Variants in TACR1 observed in about 807,000 individuals in gnomAD.
TACR1 encodes substance-P receptor.
In TACR1, 25 loss-of-function variants were observed where a neutral mutation model predicts 35.8. The ratio of observed to expected loss-of-function variants is 0.70; its 90% CI spans 0.51 to 0.98. The LOEUF is 0.98. Ranked by LOEUF, TACR1 falls within the 50% of genes least tolerant of loss-of-function variation. TACR1 has a pLI of 0.00. For missense variants in TACR1, 478 were observed against 522.9 expected, an observed-to-expected ratio of 0.91 and a Z score of 0.84; for synonymous variants, 195 against 206.7, an observed-to-expected ratio of 0.94 and a Z score of 0.48.
chr2:75,136,441 T>G (rs757451197), intron 1 of TACR1, among the ~76,000 whole-genome samples: 1 of 152,186 alleles, frequency 6.6e-6, no homozygotes, highest in African/African-American at 2.4e-5. Context: ...CTGACAGGTA[T>G]GCACTTTTGG....
In TACR1 at chr2:75,048,476, A is replaced by T. The variant is rs962090798; in HGVS notation, c.*956T>A. 4.6e-5 allele frequency: 7 copies of T among 152,218 alleles called. No homozygotes were observed. The highest frequency in any genetic ancestry group is 1.0e-4 in the Non-Finnish European group (7 of 68,040). 9.4% of individuals were successfully genotyped at this position (152,218 alleles called of 1,614,324 possible). A position where few individuals can be genotyped will look rare whatever the true frequency, so the allele number is the denominator to read the frequency against. On this transcript the variant is annotated 3_prime_UTR_variant, in exon 5 of 5. Coordinates refer to ENST00000305249, the MANE Select transcript of TACR1 (RefSeq NM_001058.4). ...TAAGATAAATCGGAGAATGTCTGAGATGGATAGTTACAGATGGCCTTAGCA... is the reference window on the plus strand; with the variant it reads ...TAAGATAAATCGGAGAATGTCTGAGTTGGATAGTTACAGATGGCCTTAGCA...
chr2:75,193,464 A>T (rs576200988), intron 1 of TACR1, among the ~76,000 whole-genome samples: 1 of 152,048 alleles, frequency 6.6e-6, no homozygotes, highest in Non-Finnish European at 1.5e-5. Flanking sequence ...ATTCCAACTA[A>T]TCGTTATATT....
intron 1 of TACR1, among the ~76,000 whole-genome samples, chr2:75,192,879 C>A (rs1675882775): frequency 6.6e-6 from 1 of 152,110 alleles, no homozygotes; most frequent in Non-Finnish European, 1.5e-5. Context: ...ATAAAACTTC[C>A]TTTCTAGTTT....
chr2:75,096,696 C>A (rs1476523937), intron 2 of TACR1, among the ~76,000 whole-genome samples: 2 of 152,182 alleles, frequency 1.3e-5, no homozygotes, highest in Non-Finnish European at 2.9e-5. Context: ...TACACCCTCC[C>A]ATGTTGTTTA....
chr2:75,173,804 C>G (rs570663351), intron 1 of TACR1, among the ~76,000 whole-genome samples: 2 of 152,286 alleles, frequency 1.3e-5, no homozygotes, highest in South Asian at 4.2e-4. Context: ...TGGTAATGAT[C>G]AAGCTACATT....
At chr2:75,150,510 A>G (rs1674647063) in intron 1 of TACR1, among the ~76,000 whole-genome samples, 1 of 151,966 alleles carries the variant, frequency 6.6e-6, no homozygotes, top group East Asian at 1.9e-4. Context: ...CTTCTTCCTC[A>G]TTTTCTTTTG....
rs1672394514 is a variant in TACR1, at chr2:75,047,982, A to AG, written c.*1449_*1450insC. On this transcript the variant is annotated 3_prime_UTR_variant, in exon 5 of 5. Coordinates refer to ENST00000305249, the MANE Select transcript of TACR1 (RefSeq NM_001058.4). ...ACAGATTTGGGAGACAGAAAAAAAAACAAAACAAAACTGCATGCTCACCTT... is the reference window on the plus strand; with the variant it reads ...ACAGATTTGGGAGACAGAAAAAAAAAGCAAAACAAAACTGCATGCTCACCTT... The AG allele has an allele frequency of 6.6e-6, 1 of 152,238 alleles. No individual in the cohort carries two copies. The highest frequency in any genetic ancestry group is 1.5e-5 in the Non-Finnish European group (1 of 68,044). The allele number at this position is 152,238 out of a possible 1,614,324, so 9.4% of individuals were successfully genotyped here.
intron 1 of TACR1, among the ~76,000 whole-genome samples, chr2:75,153,066 T>A (rs1289813648): frequency 6.6e-6 from 1 of 152,182 alleles, no homozygotes; most frequent in East Asian, 1.9e-4. Context: ...CACGCCTGGC[T>A]AATTTTTGTA....
intron 1 of TACR1, chr2:75,156,276 C>T (rs72809307): frequency 0.081 from 12,334 of 152,122 alleles, 703 homozygotes; most frequent in South Asian, 0.17. Flanking sequence ...CAGCCACAAG[C>T]CAAGGAACCT....
chr2:75,152,064 T>C (rs957184452), intron 1 of TACR1, among the ~76,000 whole-genome samples: 8 of 152,236 alleles, frequency 5.3e-5, no homozygotes, highest in Non-Finnish European at 4.4e-5. Context: ...AGGCAGTAAC[T>C]AGCTTGCTTT....
At chr2:75,138,425 C>T (rs1416494863) in intron 1 of TACR1, among the ~76,000 whole-genome samples, 1 of 152,210 alleles carries the variant, frequency 6.6e-6, no homozygotes, top group Non-Finnish European at 1.5e-5. Flanking sequence ...GGACTCTTGC[C>T]TTCTTCCCAA....
At chr2:75,099,501 A>C (rs946549399) in intron 2 of TACR1, among the ~76,000 whole-genome samples, 3 of 151,968 alleles carry the variant, frequency 2.0e-5, no homozygotes, top group South Asian at 2.1e-4. Context: ...ACTCCTATAC[A>C]AGTCACCTCC....
intron 1 of TACR1, among the ~76,000 whole-genome samples, chr2:75,192,822 G>A (rs1288919163): frequency 6.6e-6 from 1 of 152,164 alleles, no homozygotes; most frequent in Non-Finnish European, 1.5e-5. Context: ...TGAGACAATG[G>A]ACTGGAGGGA....
intron 2 of TACR1, among the ~76,000 whole-genome samples, chr2:75,096,028 G>A (rs1297206242): frequency 1.3e-5 from 2 of 152,196 alleles, no homozygotes; most frequent in African/African-American, 4.8e-5. Flanking sequence ...CTAAGGCTTA[G>A]GATCAAGGTG....
Position 75,087,181 on chromosome 2 carries a change from T to C in TACR1, c.584+33393A>G, listed in dbSNP as rs573405034. On this transcript the variant is annotated intron_variant, in intron 2 of 4. Coordinates refer to ENST00000305249, the MANE Select transcript of TACR1 (RefSeq NM_001058.4). ...CTATGGATATATAGGTTCAACAATATATACTCTTAAAATTTGTTTCACTCA... is the reference window on the plus strand; with the variant it reads ...CTATGGATATATAGGTTCAACAATACATACTCTTAAAATTTGTTTCACTCA... 2.6e-5 allele frequency among the ~76,000 whole-genome samples: 4 copies of C among 152,224 alleles called. No individual in the cohort carries two copies. The East Asian group carries it at 7.7e-4, about 29-fold the overall frequency.
chr2:75,124,484 A>G (rs1433092693), intron 1 of TACR1, among the ~76,000 whole-genome samples: 2 of 152,108 alleles, frequency 1.3e-5, no homozygotes, highest in Non-Finnish European at 2.9e-5. Context: ...GGGTGTTACA[A>G]GTTTCCTTTA....
chr2:75,157,722 C>A (rs1473661746), intron 1 of TACR1, among the ~76,000 whole-genome samples: 1 of 152,198 alleles, frequency 6.6e-6, no homozygotes, highest in South Asian at 2.1e-4. Context: ...ATGTATTAAT[C>A]TTATTCAGGG....
intron 1 of TACR1, chr2:75,188,874 A>G (rs1025766266): frequency 2.6e-5 from 4 of 152,234 alleles, no homozygotes; most frequent in Admixed American, 6.5e-5. Flanking sequence ...TAAACCCAAC[A>G]CATACTACAA....
At chr2:75,113,158 C>A (rs1432633209) in intron 2 of TACR1, among the ~76,000 whole-genome samples, 1 of 152,174 alleles carries the variant, frequency 6.6e-6, no homozygotes, top group African/African-American at 2.4e-5. Context: ...TCCCCTTTAC[C>A]TCCAAGCTGT....
Sources: allele counts gnomAD v4.1 joint callset (sites outside exome capture counted in the v4.1 genomes callset), GRCh38; gene constraint gnomAD v4.1.1; transcripts MANE v1.5; gene names NCBI Gene and HGNC (gene_info 2026-07-23, HGNC 2026-07-21).